SESTD1: variants seen among roughly 807,000 people sequenced by gnomAD.
SESTD1 encodes the protein SEC14 domain and spectrin repeat-containing protein 1.
A neutral mutation model predicts 101.7 loss-of-function variants in SESTD1; 43 were observed. That is an observed-to-expected ratio of 0.42 (90% confidence interval 0.33 to 0.55). The LOEUF (loss-of-function observed/expected upper bound fraction) is 0.55. Ranked by LOEUF, SESTD1 falls within the 20% of genes least tolerant of loss-of-function variation. The pLI is 0.07. For missense variants in SESTD1, 647 were observed against 815.1 expected, an observed-to-expected ratio of 0.79 and a Z score of 2.51; for synonymous variants, 283 against 286.8, an observed-to-expected ratio of 0.99 and a Z score of 0.13.
chr2:179,192,029 G>A (rs1446565525), intron 1 of SESTD1, among the ~76,000 whole-genome samples, 163 bp from the exon 2 acceptor site: 1 of 152,114 alleles, frequency 6.6e-6, no homozygotes, highest in Non-Finnish European at 1.5e-5. Context: ...TTGTAGAATA[G>A]TTTGCAGCAT....
At chr2:179,143,204 T>C (rs2045318995) in intron 9 of SESTD1, among the ~76,000 whole-genome samples, 1 of 152,150 alleles carries the variant, frequency 6.6e-6, no homozygotes, top group Non-Finnish European at 1.5e-5. Flanking sequence ...ATTACATGTG[T>C]TATTTTGTTA....
chr2:179,233,384 C>A (rs552576140), intron 1 of SESTD1, among the ~76,000 whole-genome samples: 7 of 152,188 alleles, frequency 4.6e-5, no homozygotes, highest in Non-Finnish European at 1.0e-4. Flanking sequence ...ACGGAAAGTG[C>A]AGAAGGAGGC....
At chr2:179,188,273 A>C (rs2046264876) in intron 2 of SESTD1, among the ~76,000 whole-genome samples, 1 of 152,226 alleles carries the variant, frequency 6.6e-6, no homozygotes. Context: ...CAATACCAAG[A>C]AGATCTCTCA....
chr2:179,222,235 A>G (rs994075510), intron 1 of SESTD1, among the ~76,000 whole-genome samples: 3 of 152,060 alleles, frequency 2.0e-5, no homozygotes, highest in Non-Finnish European at 4.4e-5. Context: ...AGTTTAGTGC[A>G]GTGGCAAAAA....
intron 9 of SESTD1, among the ~76,000 whole-genome samples, chr2:179,141,868 T>C (rs1281559924): frequency 6.6e-6 from 1 of 151,894 alleles, no homozygotes; most frequent in African/African-American, 2.4e-5. Context: ...CTTTAACTTA[T>C]GAATGAAGTC....
Position 179,264,731 on chromosome 2 carries a change from C to T in SESTD1, c.-258G>A, listed in dbSNP as rs898983873. On this transcript the variant is annotated 5_prime_UTR_variant, in exon 1 of 18. Transcript: ENST00000428443. Reference sequence around the variant, plus strand: ...GCGGGGAGCGGGGGTGCGGGTGGCCCGGCGACCTCTCGGCACCCGCGGCCC... The same window carrying T: ...GCGGGGAGCGGGGGTGCGGGTGGCCTGGCGACCTCTCGGCACCCGCGGCCC... 1.3e-5 allele frequency: 2 copies of T among 151,236 alleles called. No individual in the cohort carries two copies. The highest frequency in any genetic ancestry group is 2.4e-5 in the African/African-American group (1 of 41,166). The allele number at this position is 151,236 out of a possible 1,614,324, so 9.4% of individuals were successfully genotyped here.
chr2:179,116,855 A>G, intron 14 of SESTD1, 65 bp from the exon 15 acceptor site: 1 of 1,564,600 alleles, frequency 6.4e-7, no homozygotes, highest in Non-Finnish European at 8.7e-7. Flanking sequence ...TCAAAATGTC[A>G]TTTATACAGA....
At chr2:179,195,342 C>T (rs1410678455) in intron 1 of SESTD1, among the ~76,000 whole-genome samples, 1 of 152,220 alleles carries the variant, frequency 6.6e-6, no homozygotes, top group Non-Finnish European at 1.5e-5. Flanking sequence ...GCCCTCCTTA[C>T]TTCTCTCTCC....
intron 9 of SESTD1, among the ~76,000 whole-genome samples, chr2:179,135,865 C>T (rs1029050927): frequency 6.6e-6 from 1 of 152,188 alleles, no homozygotes; most frequent in Admixed American, 6.5e-5. Flanking sequence ...ATTGGCTAAA[C>T]ACTGTTTACA....
Position 179,202,530 on chromosome 2 carries a change from T to C in SESTD1, c.-25-10664A>G. 1.5e-5 allele frequency among the ~76,000 whole-genome samples: 2 copies of C among 134,990 alleles called. 1 individual carries two copies. The highest frequency in any genetic ancestry group is 5.9e-5 in the African/African-American group (2 of 34,176). 88.6% of individuals were successfully genotyped at this position (134,990 alleles called of 152,430 possible). A position where few individuals can be genotyped will look rare whatever the true frequency, so the allele number is the denominator to read the frequency against. Reference sequence around the variant, plus strand: ...CAACTTATGCTGTTCCTAAGAGTCATGTACTCCCCTGCTGAACACATACTT... The same window carrying C: ...CAACTTATGCTGTTCCTAAGAGTCACGTACTCCCCTGCTGAACACATACTT... On this transcript the variant is annotated intron_variant, in intron 1 of 17. Coordinates refer to ENST00000428443, the MANE Select transcript of SESTD1 (RefSeq NM_178123.5).
chr2:179,217,442 G>T (rs545131005), intron 1 of SESTD1, among the ~76,000 whole-genome samples: 1 of 152,130 alleles, frequency 6.6e-6, no homozygotes, highest in Admixed American at 6.5e-5. Flanking sequence ...ACCATCTCAC[G>T]CCAGTTAGAA....
At chr2:179,121,954 A>ATCTC (rs755400559) in intron 12 of SESTD1, 25 bp from the exon 13 acceptor site, 1 of 1,583,972 alleles carries the variant, frequency 6.3e-7, no homozygotes, top group South Asian at 1.2e-5. Flanking sequence ...ACTAGATTTA[A>ATCTC]TCTCTTACAC....
intron 13 of SESTD1, among the ~76,000 whole-genome samples, chr2:179,118,867 C>T (rs952370820): frequency 8.5e-5 from 13 of 152,124 alleles, no homozygotes; most frequent in Non-Finnish European, 1.9e-4. Flanking sequence ...GAGCAAGTGA[C>T]TAACTTGCCT....
intron 2 of SESTD1, among the ~76,000 whole-genome samples, chr2:179,189,469 G>C (rs1040919230): frequency 6.6e-6 from 1 of 152,030 alleles, no homozygotes; most frequent in African/African-American, 2.4e-5. Flanking sequence ...ACATTATGCT[G>C]AACAGGCAAA....
rs1475732962 is a variant in SESTD1 at position 179,212,538 on chromosome 2, T to C, written c.-25-20672A>G. 4.4e-5 allele frequency among the ~76,000 whole-genome samples: 6 copies of C among 136,196 alleles called. 2 individuals are homozygous for C. The highest frequency in any genetic ancestry group is 2.0e-4 in the East Asian group (1 of 5,056). 89.3% of individuals were successfully genotyped at this position (136,196 alleles called of 152,430 possible). A position where few individuals can be genotyped will look rare whatever the true frequency, so the allele number is the denominator to read the frequency against. ...AGCTCAACAAGGCCTATTGCCTCTA[T>C]AGACTCCACCTCTGTGGGCAGGGCA... On this transcript the variant is annotated intron_variant, in intron 1 of 17. Transcript: ENST00000428443.
intron 11 of SESTD1, 145 bp from the exon 12 acceptor site, chr2:179,123,974 A>C (rs1452134817): frequency 1.6e-6 from 1 of 612,824 alleles, no homozygotes; most frequent in Non-Finnish European, 2.8e-6. Flanking sequence ...GAATCATTAG[A>C]ATATGCATTA....
intron 6 of SESTD1, 124 bp from the exon 7 acceptor site, chr2:179,149,518 G>A (rs1373404807): frequency 8.5e-6 from 5 of 589,222 alleles, no homozygotes; most frequent in Non-Finnish European, 1.4e-5. Context: ...AGCAGTTCGT[G>A]CAATTCTACC....
chr2:179,121,788 A>C lies in SESTD1; in HGVS notation c.1424T>G (p.Met475Arg), dbSNP rs757171685. The C allele has an allele frequency of 6.3e-7, 1 of 1,586,054 alleles. No individual in the cohort carries two copies. Among genetic ancestry groups the C allele is most frequent in the South Asian group, 1.2e-5 (1 of 85,312 alleles). The change falls in exon 13 of 18, where the codon ATG (methionine) becomes AGG (arginine). Residue 475 changes from methionine to arginine, a missense_variant. This residue lies in a region of SESTD1 where 476 missense variants were observed against 562.6 expected (regional missense o/e 0.85). Transcript: ENST00000428443. ...ACTTTGCCTTTGTTTTCTAAGCTGC[A>C]TATCTTCCATCACTCCTTGTATGTG... ...VDHIQGVMED[M>R]QLRKQRCEDM...
Position 179,113,670 on chromosome 2 carries a change from T to C in SESTD1, c.1840-825A>G, listed in dbSNP as rs190445773. Among the ~76,000 whole-genome samples the C allele has an allele frequency of 2.9e-3, 438 of 152,334 alleles. 4 individuals are homozygous for C. The highest frequency in any genetic ancestry group is 0.01 in the African/African-American group (420 of 41,572). ...AGATATTTTTCTAATCATTATACTA[T>C]ACAATTTGCTTATAGTTGTGGTTAT... On this transcript the variant is annotated intron_variant, in intron 16 of 17. Coordinates refer to ENST00000428443, the MANE Select transcript of SESTD1 (RefSeq NM_178123.5).
Sources: allele counts gnomAD v4.1 joint callset (sites outside exome capture counted in the v4.1 genomes callset), GRCh38; gene constraint gnomAD v4.1.1; regional missense constraint gnomAD v4.1.1; transcripts MANE v1.5; gene names NCBI Gene and HGNC (gene_info 2026-07-23, HGNC 2026-07-21).